The following ZNF433 variants were observed in gnomAD, a reference collection of about 807,000 sequenced individuals.
ZNF433 encodes the protein zinc finger protein 433.
Under a neutral mutation model 10.6 loss-of-function variants are expected in ZNF433, and 12 were observed. The observed-to-expected ratio is 1.13, with a 90% CI of 0.72 to 1.83. The LOEUF (loss-of-function observed/expected upper bound fraction) is 1.83. Among genes scored for constraint, ZNF433 ranks in the 40% most tolerant of loss-of-function variants. ZNF433 has a pLI of 0.00. For missense variants in ZNF433, 737 were observed against 798.0 expected (o/e 0.92, Z 0.92); for synonymous variants, 272 against 271.3 (o/e 1.00, Z -0.02).
Position 12,015,212 on chromosome 19 carries a change from T to C in ZNF433, c.1646A>G (p.His549Arg), listed in dbSNP as rs1366885496. ...TTTCTCTCCAGTGTGAGTCCTTCCA[T>C]GAATTTGAAGCTGTGAGGCAGATCT... ...AFRSASQLQI[H>R]GRTHTGEKPY... Residue 549 changes from histidine to arginine, a missense_variant, in exon 4 of 4, where the codon CAT becomes CGT. Physicochemically the swap from His to Arg is conservative, Grantham distance 29. Transcript: ENST00000550507. 35 of 1,614,000 alleles carry C rather than the reference T, an allele frequency of 2.2e-5. No individual in the cohort carries two copies. In the East Asian group the frequency reaches 7.8e-4, roughly 36 times the overall value.
chr19:12,029,918 A>G (rs1054183694), intron 1 of ZNF433, among the ~76,000 whole-genome samples: 3 of 151,642 alleles, frequency 2.0e-5, no homozygotes, highest in African/African-American at 7.3e-5. Flanking sequence ...TGCCTCTACT[A>G]AAGAATACAA....
intron 2 of ZNF433, 103 bp downstream of exon 2, chr19:12,018,063 G>T: frequency 7.3e-7 from 1 of 1,372,286 alleles, no homozygotes; most frequent in Non-Finnish European, 9.8e-7. Context: ...TGTCCACATT[G>T]TAAATCACTC....
chr19:12,020,511 C>T (rs1020536869), intron 1 of ZNF433, among the ~76,000 whole-genome samples: 1 of 152,124 alleles, frequency 6.6e-6, no homozygotes, highest in Non-Finnish European at 1.5e-5. Context: ...AATACTGCAG[C>T]TGTTTCAAGT....
intron 1 of ZNF433, chr19:12,027,243 T>C (rs1974784575): frequency 8.0e-6 from 3 of 372,818 alleles, no homozygotes; most frequent in Admixed American, 3.9e-5. Context: ...ATCTGTGTTG[T>C]CTTTGTATAG....
intron 1 of ZNF433, chr19:12,034,644 T>G (rs1480299895): frequency 3.1e-6 from 1 of 318,990 alleles, no homozygotes; most frequent in Non-Finnish European, 6.3e-6. Flanking sequence ...TCTTTTGTTT[T>G]GGGTGGGATG....
rs758448000 is a variant in ZNF433, at chr19:12,015,584, C to T, written c.1274G>A (p.Gly425Glu). 20 of 1,613,862 alleles carry T rather than the reference C, an allele frequency of 1.2e-5. No individual in the cohort carries two copies. Among genetic ancestry groups the T allele is most frequent in the Non-Finnish European group, 1.6e-5 (19 of 1,179,994 alleles). Residue 425 changes from glycine (G) to glutamate (E), a missense_variant, in exon 4 of 4, where the codon GGG becomes GAG. By Grantham distance (98) the Gly-to-Glu change is moderately conservative (BLOSUM62 -2). Coordinates refer to ENST00000550507, the MANE Select transcript of ZNF433 (RefSeq NM_001308348.2). ...GAGTGAGGCAGATCTGAAGGCTTTCCCACATTGCTTACACTCGTAAGGTTT... is the reference window on the plus strand; with the variant it reads ...GAGTGAGGCAGATCTGAAGGCTTTCTCACATTGCTTACACTCGTAAGGTTT... The part of the protein sequence containing the change: ...GEKPYECKQC[G>E]KAFRSASLLQ...
In ZNF433 at chr19:12,015,788, T is replaced by C. The variant is rs1407287391; in HGVS notation, c.1070A>G (p.His357Arg). The change falls in exon 4 of 4, where the codon CAC becomes CGC. Residue 357 changes from histidine (H) to arginine (R), a missense_variant. Coordinates refer to ENST00000550507, the MANE Select transcript of ZNF433 (RefSeq NM_001308348.2). ...ACATTTATGAGATATCTCTCCAGTG[T>C]GCATTCCCAAGTGGTTTTGAAAGCT... ...LTSFQNHLGM[H>R]TGEISHKCKI... is the part of the protein sequence containing the mutation. The C allele has an allele frequency of 6.2e-7, 1 of 1,614,212 alleles. No individual in the cohort carries two copies. Among genetic ancestry groups the C allele is most frequent in the Admixed American group, 1.7e-5 (1 of 60,022 alleles).
chr19:12,016,694 T>C, intron 3 of ZNF433, 28 bp from the exon 4 acceptor site: 1 of 1,594,632 alleles, frequency 6.3e-7, no homozygotes, highest in Non-Finnish European at 8.5e-7. Context: ...TACATTATAA[T>C]GGGTTTGATT....
chr19:12,015,805 T>C lies in ZNF433; in HGVS notation c.1053A>G (p.Gln351=). ...GKVLSYLTSF[Q]NHLGMHTGEI... ...CTCCAGTGTGCATTCCCAAGTGGTT[T>C]TGAAAGCTGGTAAGATAAGATAATA... Residue 351 remains glutamine (Q), a synonymous_variant, in exon 4 of 4, where the codon CAA becomes CAG. Coordinates refer to ENST00000550507, the MANE Select transcript of ZNF433 (RefSeq NM_001308348.2). 1.2e-6 allele frequency: 2 copies of C among 1,614,146 alleles called. No homozygotes were observed. Among genetic ancestry groups the C allele is most frequent in the Non-Finnish European group, 1.7e-6 (2 of 1,180,032 alleles).
chr19:12,029,547 AAAG>A (rs930670125), intron 1 of ZNF433, among the ~76,000 whole-genome samples: 15 of 143,322 alleles, frequency 1.0e-4, no homozygotes, highest in South Asian at 2.1e-4. Flanking sequence ...AAAAAAAAAA[AAAG>A]CCAGGATGTT....
intron 1 of ZNF433, chr19:12,026,836 G>A (rs1290708816): frequency 2.2e-6 from 1 of 454,022 alleles, no homozygotes; most frequent in Non-Finnish European, 4.4e-6. Context: ...GCCACACTAT[G>A]TTCAGCTGGT....
intron 1 of ZNF433, among the ~76,000 whole-genome samples, chr19:12,019,216 T>C (rs1974369833): frequency 6.6e-6 from 1 of 151,566 alleles, no homozygotes; most frequent in African/African-American, 2.4e-5. Flanking sequence ...AGGCCAGGAG[T>C]TGGTGACCAG....
At chr19:12,034,140 T>C (rs1261659176) in intron 1 of ZNF433, among the ~76,000 whole-genome samples, 3 of 152,240 alleles carry the variant, frequency 2.0e-5, no homozygotes, top group Non-Finnish European at 4.4e-5. Flanking sequence ...TACTAACTTA[T>C]GTGACGGTAT....
chr19:12,017,059 C>T (rs1201749981), intron 3 of ZNF433, among the ~76,000 whole-genome samples: 1 of 151,808 alleles, frequency 6.6e-6, no homozygotes, highest in Non-Finnish European at 1.5e-5. Flanking sequence ...CCATTTTTAA[C>T]ATCATCCAGC....
At position 12,014,941 on chromosome 19, in the gene ZNF433, T is replaced by C; in HGVS notation, c.1917A>G (p.Gly639=). 6.2e-7 allele frequency: 1 copy of C among 1,614,006 alleles called. No individual in the cohort carries two copies. Among genetic ancestry groups the C allele is most frequent in the Non-Finnish European group, 8.5e-7 (1 of 1,179,940 alleles). The part of the protein sequence containing the change: ...NLRRHGRTHT[G]EKPYKCNQCG... ...ATTGGTTACATTTATAGGGTTTCTC[T>C]CCAGTGTGAGTCCTTCCATGCCTTC... The change falls in exon 4 of 4, where the codon GGA becomes GGG. Residue 639 remains glycine, a synonymous_variant. Transcript: ENST00000550507.
intron 1 of ZNF433, 68 bp downstream of exon 1, chr19:12,035,469 C>T (rs1975246238): frequency 6.5e-7 from 1 of 1,549,514 alleles, no homozygotes; most frequent in East Asian, 2.4e-5. Flanking sequence ...CGGGTCCCAC[C>T]ACAGCCGGTT....
In ZNF433 at chr19:12,022,072, G is replaced by A. The variant is rs140876216; in HGVS notation, c.4-3780C>T. 3.7e-4 allele frequency: 166 copies of A among 450,624 alleles called. No homozygotes were observed. In the East Asian group the frequency reaches 4.7e-3, roughly 13 times the overall value. The allele number at this position is 450,624 out of a possible 1,614,324, so 27.9% of individuals were successfully genotyped here. ...AAAACTGGCCATAAACAAAATCTCT[G>A]CAGCACTGTGACATGTTCGTGATGG... On this transcript the variant is annotated intron_variant, in intron 1 of 3. Transcript: ENST00000550507.
At position 12,016,399 on chromosome 19, in the gene ZNF433, A is replaced by T; in HGVS notation, c.459T>A (p.Ser153=). Residue 153 remains serine (S), a synonymous_variant, in exon 4 of 4, where the codon TCT becomes TCA. Transcript: ENST00000550507. ...YCKKPFNCLS[S]VQTHERAHSG... is the part of the protein sequence containing the mutation. ...TATGAGCCCTTTCATGTGTCTGAAC[A>T]GAGGAGAGACAGTTGAAAGGTTTTT... is the stretch of plus-strand genomic sequence containing the variant. 6.2e-7 allele frequency: 1 copy of T among 1,614,174 alleles called. No homozygotes were observed. The highest frequency in any genetic ancestry group is 8.5e-7 in the Non-Finnish European group (1 of 1,180,024).
intron 1 of ZNF433, among the ~76,000 whole-genome samples, chr19:12,030,587 G>T (rs1405687632): frequency 1.3e-5 from 2 of 152,160 alleles, no homozygotes; most frequent in Non-Finnish European, 2.9e-5. Context: ...GACTAAGATA[G>T]ATAGGCACTA....
Sources: allele counts gnomAD v4.1 joint callset (sites outside exome capture counted in the v4.1 genomes callset), GRCh38; gene constraint gnomAD v4.1.1; transcripts MANE v1.5; gene names NCBI Gene and HGNC (gene_info 2026-07-23, HGNC 2026-07-21).